The following ZIM3 variants were observed in gnomAD, a reference collection of about 807,000 sequenced individuals.
ZIM3 encodes the protein zinc finger imprinted 3.
ZIM3 carries 11 observed loss-of-function variants against 12.9 expected under a neutral mutation model. The ratio of observed to expected loss-of-function variants is 0.85; its 90% confidence interval spans 0.54 to 1.41. The LOEUF is 1.41. ZIM3 is among the 40% of genes most tolerant of loss of function. ZIM3 has a pLI of 0.00. For missense variants in ZIM3, 604 were observed against 557.2 expected, an observed-to-expected ratio of 1.08 and a Z score of -0.85; for synonymous variants, 205 against 198.5, an observed-to-expected ratio of 1.03 and a Z score of -0.28.
rs1399681037 is a variant in ZIM3, at chr19:57,135,606, A to G, written c.731T>C (p.Met244Thr). The G allele has an allele frequency of 1.2e-6, 2 of 1,613,836 alleles. No individual in the cohort carries two copies. Among genetic ancestry groups the G allele is most frequent in the Admixed American group, 1.7e-5 (1 of 59,972 alleles). ...QKSNLFQHQKMHTKEKPYQCK... is the reference protein window; with the variant it reads ...QKSNLFQHQKTHTKEKPYQCK... ...CTGATAGGGTTTCTCTTTAGTATGC[A>G]TTTTCTGATGTTGAAAGAGATTTGA... Residue 244 changes from methionine (M) to threonine (T), a missense_variant, in exon 5 of 5, where the codon ATG (methionine) becomes ACG (threonine). Physicochemically the swap from Met to Thr is moderately conservative, Grantham distance 81. Coordinates refer to ENST00000269834, the MANE Select transcript of ZIM3 (RefSeq NM_052882.1).
At position 57,142,727 on chromosome 19, in the gene ZIM3, C is replaced by T. The variant is rs2086919031; in HGVS notation, c.-42-42G>A. The T allele has an allele frequency of 3.3e-6, 5 of 1,532,870 alleles. No individual in the cohort carries two copies. In the Admixed American group the frequency reaches 8.6e-5, roughly 26 times the overall value. 95.0% of individuals were successfully genotyped at this position (1,532,870 alleles called of 1,614,324 possible). A position where few individuals can be genotyped will look rare whatever the true frequency, so the allele number is the denominator to read the frequency against. On this transcript the variant is annotated intron_variant, in intron 1 of 4. Coordinates refer to ENST00000269834, the MANE Select transcript of ZIM3 (RefSeq NM_052882.1). ...AAGAACCATGAAATAGCAGAATTCGCTTTGGAAGTTGGGGATCATCCAGCA... is the reference window on the plus strand; with the variant it reads ...AAGAACCATGAAATAGCAGAATTCGTTTTGGAAGTTGGGGATCATCCAGCA...
intron 1 of ZIM3, among the ~76,000 whole-genome samples, 187 bp downstream of exon 1, chr19:57,144,672 G>C (rs12104206): frequency 0.011 from 1,630 of 152,132 alleles, 29 homozygotes; most frequent in African/African-American, 0.037. Context: ...AAATAATTTT[G>C]AGTGTCCTGG....
In ZIM3 at chr19:57,138,552, T is replaced by TC; in HGVS notation, c.61dup (p.Glu21GlyfsTer89). Reference sequence around the variant, plus strand: ...CTGTTCGGGATTCAGCCGCTGCCACTCCCCCTGGGTGAAGTTCACAGTGAC... The same window carrying TC: ...CTGTTCGGGATTCAGCCGCTGCCACTCCCCCCTGGGTGAAGTTCACAGTGAC... On this transcript the variant is annotated frameshift_variant, in exon 3 of 5. Transcript: ENST00000269834. LOFTEE classifies it high-confidence loss of function. 1.9e-6 allele frequency: 3 copies of TC among 1,613,754 alleles called. No homozygotes were observed. Among genetic ancestry groups the TC allele is most frequent in the Non-Finnish European group, 2.5e-6 (3 of 1,179,776 alleles).
At chr19:57,136,211 G>T in intron 4 of ZIM3, 116 bp from the exon 5 acceptor site, 1 of 937,942 alleles carries the variant, frequency 1.1e-6, no homozygotes, top group Non-Finnish European at 1.6e-6. Flanking sequence ...TAATGTCTAC[G>T]AGAAACCAAA....
chr19:57,134,854 G>A lies in ZIM3; in HGVS notation c.*64C>T, dbSNP rs1419366216. On this transcript the variant is annotated 3_prime_UTR_variant, in exon 5 of 5. Coordinates refer to ENST00000269834, the MANE Select transcript of ZIM3 (RefSeq NM_052882.1). ...CCAAATTAGAGGCCATTTCAACATG[G>A]AATTCTGGGGTGACAATTCCAGGCA... 6.7e-7 allele frequency: 1 copy of A among 1,499,784 alleles called. No individual in the cohort carries two copies. The highest frequency in any genetic ancestry group is 9.0e-7 in the Non-Finnish European group (1 of 1,115,040). 92.9% of individuals were successfully genotyped at this position (1,499,784 alleles called of 1,614,324 possible). A position where few individuals can be genotyped will look rare whatever the true frequency, so the allele number is the denominator to read the frequency against.
intron 1 of ZIM3, among the ~76,000 whole-genome samples, chr19:57,144,502 A>G (rs1159452086): frequency 6.6e-6 from 1 of 152,204 alleles, no homozygotes; most frequent in Non-Finnish European, 1.5e-5. Context: ...TTTCACCACA[A>G]AAATAGATTA....
At chr19:57,144,546 CAT>C (rs1358412070) in intron 1 of ZIM3, among the ~76,000 whole-genome samples, 1 of 152,028 alleles carries the variant, frequency 6.6e-6, no homozygotes, top group Non-Finnish European at 1.5e-5. Flanking sequence ...CCAATGTAAA[CAT>C]GTATCAAAAC....
chr19:57,142,005 A>T (rs2086915910), intron 2 of ZIM3, among the ~76,000 whole-genome samples: 1 of 152,072 alleles, frequency 6.6e-6, no homozygotes, highest in South Asian at 2.1e-4. Context: ...GATGGATTTG[A>T]GGCTGAGCTC....
At chr19:57,139,430 C>A (rs1486433683) in intron 2 of ZIM3, among the ~76,000 whole-genome samples, 2 of 151,064 alleles carry the variant, frequency 1.3e-5, no homozygotes, top group Admixed American at 6.6e-5. Flanking sequence ...ATTAGAAATT[C>A]TTTTTTAAAT....
In ZIM3 at chr19:57,136,925, T is replaced by G; in HGVS notation, c.189A>C (p.Gln63His). 3 of 1,614,178 alleles carry G rather than the reference T, an allele frequency of 1.9e-6. No homozygotes were observed. Among genetic ancestry groups the G allele is most frequent in the Non-Finnish European group, 2.5e-6 (3 of 1,180,038 alleles). ...TKPDVILRLE[Q>H]GKEPWLEEEE... ...CTTCCTCCAACCATGGCTCCTTTCC[T>G]TGTTCCAACCTCAAGATCACATCGG... The change falls in exon 4 of 5, where the codon CAA becomes CAC. Residue 63 changes from glutamine to histidine, a missense_variant. Gln to His is a conservative substitution (Grantham distance 24). Coordinates refer to ENST00000269834, the MANE Select transcript of ZIM3 (RefSeq NM_052882.1).
At chr19:57,137,090 G>T in intron 3 of ZIM3, 119 bp from the exon 4 acceptor site, 1 of 922,442 alleles carries the variant, frequency 1.1e-6, no homozygotes, top group Non-Finnish European at 1.8e-6. Context: ...GTGAGTGTGA[G>T]CATTTATATG....
At chr19:57,137,739 T>A (rs531316174) in intron 3 of ZIM3, among the ~76,000 whole-genome samples, 1 of 144,530 alleles carries the variant, frequency 6.9e-6, no homozygotes, top group Non-Finnish European at 1.5e-5. Context: ...CAGTGAGCTA[T>A]GATTGCACCA....
At chr19:57,136,172 T>A in intron 4 of ZIM3, 77 bp from the exon 5 acceptor site, 1 of 1,327,144 alleles carries the variant, frequency 7.5e-7, no homozygotes, top group Non-Finnish European at 1.0e-6. Context: ...ATAAACAATC[T>A]ATTGTGGTGA....
At position 57,134,448 on chromosome 19, in the gene ZIM3, T is replaced by C. The variant is rs1435791186; in HGVS notation, c.*470A>G. On this transcript the variant is annotated 3_prime_UTR_variant, in exon 5 of 5. Transcript: ENST00000269834. Reference sequence around the variant, plus strand: ...GTGCCCACAACTATGCCTGGCTAATTTTTGTATTTTTGGTAGAGACAGGGT... The same window carrying C: ...GTGCCCACAACTATGCCTGGCTAATCTTTGTATTTTTGGTAGAGACAGGGT... The C allele has an allele frequency of 1.9e-5, 3 of 154,360 alleles. No homozygotes were observed. The highest frequency in any genetic ancestry group is 6.4e-5 in the Admixed American group (1 of 15,742). The allele number at this position is 154,360 out of a possible 1,614,324, so 9.6% of individuals were successfully genotyped here.
intron 2 of ZIM3, among the ~76,000 whole-genome samples, chr19:57,142,339 G>C (rs1399820590): frequency 1.3e-5 from 2 of 151,714 alleles, no homozygotes; most frequent in African/African-American, 2.4e-5. Context: ...ACGGGATCTC[G>C]CCATGTTGCC....
intron 2 of ZIM3, among the ~76,000 whole-genome samples, chr19:57,141,260 G>C (rs530568776): frequency 2.0e-5 from 3 of 152,130 alleles, no homozygotes; most frequent in Admixed American, 2.0e-4. Context: ...CCGGGCGTGG[G>C]CGTGGTGGCG....
Position 57,136,818 on chromosome 19 carries a change from A to T in ZIM3, c.241+55T>A, listed in dbSNP as rs2086889127. 2.7e-6 allele frequency: 4 copies of T among 1,503,840 alleles called. No individual in the cohort carries two copies. In the Admixed American group the frequency reaches 6.8e-5, roughly 25 times the overall value. The allele number at this position is 1,503,840 out of a possible 1,614,324, so 93.2% of individuals were successfully genotyped here. A position where few individuals can be genotyped will look rare whatever the true frequency, so the allele number is the denominator to read the frequency against. ...TGCCAAACGACTTCCTCATTTAGAA[A>T]AGCTGAATTGGCTTCCATGCACCAT... On this transcript the variant is annotated intron_variant, in intron 4 of 4. Coordinates refer to ENST00000269834, the MANE Select transcript of ZIM3 (RefSeq NM_052882.1).
intron 1 of ZIM3, among the ~76,000 whole-genome samples, chr19:57,143,122 T>A (rs2086921185): frequency 6.6e-6 from 1 of 151,846 alleles, no homozygotes; most frequent in Non-Finnish European, 1.5e-5. Context: ...GGTCAGGAGA[T>A]CAAGACCATC....
intron 2 of ZIM3, among the ~76,000 whole-genome samples, chr19:57,140,904 C>T (rs1235344454): frequency 3.3e-5 from 5 of 152,054 alleles, no homozygotes; most frequent in African/African-American, 4.8e-5. Flanking sequence ...ACTTTGATTC[C>T]GACTGGTACT....
Sources: allele counts gnomAD v4.1 joint callset (sites outside exome capture counted in the v4.1 genomes callset), GRCh38; gene constraint gnomAD v4.1.1; transcripts MANE v1.5; gene names NCBI Gene and HGNC (gene_info 2026-07-23, HGNC 2026-07-21).